ANKH: variants seen among roughly 807,000 people sequenced by gnomAD.
The protein encoded by ANKH is ANKH inorganic pyrophosphate transport regulator.
In ANKH, 15 loss-of-function variants were observed where a neutral mutation model predicts 49.0. The observed-to-expected ratio is 0.31, with a 90% CI of 0.20 to 0.47. The LOEUF is 0.47. ANKH is among the 20% of genes least tolerant of loss of function. The probability of loss-of-function intolerance (pLI) is 1.00; values close to 1 mark genes in which losing one functional copy is unlikely to be tolerated. For synonymous variants in ANKH, 273 were observed against 260.0 expected (o/e 1.05, Z -0.48); for missense variants, 429 against 652.0 (o/e 0.66, Z 3.72).
At chr5:14,758,626 A>T (rs769794604) in intron 2 of ANKH, 28 bp from the exon 3 acceptor site, 5 of 1,389,210 alleles carry the variant, frequency 3.6e-6, no homozygotes, top group Non-Finnish European at 5.1e-6. Flanking sequence ...GCATATGTGG[A>T]AATATTTAGA....
intron 1 of ANKH, among the ~76,000 whole-genome samples, chr5:14,853,678 T>G (rs1027671016): frequency 2.0e-5 from 3 of 152,188 alleles, no homozygotes; most frequent in Non-Finnish European, 4.4e-5. Flanking sequence ...TTGTTTGTTT[T>G]TTTGAGATGG....
chr5:14,826,064 T>C (rs1311699960), intron 1 of ANKH: 1 of 154,286 alleles, frequency 6.5e-6, no homozygotes, highest in African/African-American at 2.4e-5. Flanking sequence ...GGTTAAGACA[T>C]TAAAACCTCT....
At chr5:14,791,663 AC>A (rs1466393813) in intron 1 of ANKH, among the ~76,000 whole-genome samples, 3 of 152,192 alleles carry the variant, frequency 2.0e-5, no homozygotes, top group Non-Finnish European at 4.4e-5. Context: ...ATTGAATTTG[AC>A]AGCTTTGGAA....
chr5:14,793,733 C>T (rs73050634), intron 1 of ANKH, among the ~76,000 whole-genome samples: 1,748 of 152,278 alleles, frequency 0.011, 40 homozygotes, highest in African/African-American at 0.04. Context: ...TTGCAAGTGA[C>T]ACCTAATGGC....
Position 14,713,676 on chromosome 5 carries a change from A to C in ANKH, c.1142-9T>G. The C allele has an allele frequency of 1.9e-6, 3 of 1,613,616 alleles. No homozygotes were observed. Among genetic ancestry groups the C allele is most frequent in the Non-Finnish European group, 2.5e-6 (3 of 1,179,968 alleles). On this transcript the variant is annotated splice_polypyrimidine_tract_variant and intron_variant, in intron 9 of 11. Transcript: ENST00000284268. The surrounding 1 kb of genome is among the most constrained non-coding windows in gnomAD (Gnocchi z 4.4). ...ATGCGCCCTCACTGTGACTGTTGGG[A>C]GGAGCAAAGGACTCGTCAGCCGTGC...
intron 6 of ANKH, among the ~76,000 whole-genome samples, chr5:14,747,623 G>A (rs973733740): frequency 6.6e-6 from 1 of 152,162 alleles, no homozygotes; most frequent in African/African-American, 2.4e-5. Context: ...GAAGAAAAGC[G>A]AAAACAAAGC....
intron 1 of ANKH, among the ~76,000 whole-genome samples, chr5:14,810,557 A>G (rs1038454376): frequency 2.6e-4 from 39 of 152,200 alleles, no homozygotes; most frequent in Non-Finnish European, 1.5e-5. Flanking sequence ...ATTAACTTTC[A>G]TTGATTTGGA....
intron 1 of ANKH, among the ~76,000 whole-genome samples, chr5:14,828,524 A>AAAAC (rs1428853695): frequency 6.6e-6 from 1 of 152,242 alleles, no homozygotes; most frequent in East Asian, 1.9e-4. Flanking sequence ...CTCCGTCTCA[A>AAAAC]AAACAAACAA....
intron 1 of ANKH, among the ~76,000 whole-genome samples, chr5:14,845,002 T>C (rs947691677): frequency 1.3e-5 from 2 of 151,886 alleles, no homozygotes; most frequent in African/African-American, 4.9e-5. Flanking sequence ...TTCCTGCTCT[T>C]TTATTCCTGT....
intron 1 of ANKH, among the ~76,000 whole-genome samples, chr5:14,771,921 G>GAAAAAAAAAAAAA (rs869185652): frequency 1.9e-5 from 1 of 53,378 alleles, no homozygotes; most frequent in East Asian, 6.5e-4. Flanking sequence ...CTCAAAAAAA[G>GAAAAAAAAAAAAA]AAAAAAAAAA....
intron 2 of ANKH, chr5:14,768,628 T>C: frequency 3.0e-6 from 1 of 330,904 alleles, no homozygotes; most frequent in Non-Finnish European, 5.7e-6. Context: ...CTATTTTTAT[T>C]CTTAAGATTT....
At chr5:14,797,280 G>A (rs1386977074) in intron 1 of ANKH, 25 of 1,473,054 alleles carry the variant, frequency 1.7e-5, no homozygotes, top group Admixed American at 1.0e-4. Context: ...TATCTTGGCA[G>A]TGTGACCACC....
In ANKH at chr5:14,711,011, G is replaced by T; in HGVS notation, c.*186C>A. The T allele has an allele frequency of 1.6e-6, 1 of 637,608 alleles. No individual in the cohort carries two copies. Among genetic ancestry groups the T allele is most frequent in the Non-Finnish European group, 2.8e-6 (1 of 351,536 alleles). The allele number at this position is 637,608 out of a possible 1,614,324, so 39.5% of individuals were successfully genotyped here. ...AGCAACAGTAAAGACCATTCACTAG[G>T]TCCCCCCGTCAGTGTGAGCATACCC... On this transcript the variant is annotated 3_prime_UTR_variant, in exon 12 of 12. Coordinates refer to ENST00000284268, the MANE Select transcript of ANKH (RefSeq NM_054027.6).
intron 1 of ANKH, among the ~76,000 whole-genome samples, chr5:14,860,662 AAC>A (rs1735455564): frequency 6.6e-6 from 1 of 152,240 alleles, no homozygotes; most frequent in African/African-American, 2.4e-5. Flanking sequence ...CAGTTTTGGA[AAC>A]ACAAAGCAGC....
intron 1 of ANKH, among the ~76,000 whole-genome samples, chr5:14,793,049 A>AAAATATATAT (rs1561057920): frequency 2.7e-5 from 1 of 36,924 alleles, no homozygotes; most frequent in Non-Finnish European, 5.2e-5. Flanking sequence ...TATATATATA[A>AAAATATATAT]ATATATATAA....
intron 1 of ANKH, among the ~76,000 whole-genome samples, chr5:14,833,641 T>A (rs1422329428): frequency 6.6e-6 from 1 of 152,220 alleles, no homozygotes; most frequent in Non-Finnish European, 1.5e-5. Flanking sequence ...TAGTGATATC[T>A]GCCAGAGACC....
At chr5:14,863,493 T>C (rs751358631) in intron 1 of ANKH, among the ~76,000 whole-genome samples, 7 of 152,150 alleles carry the variant, frequency 4.6e-5, no homozygotes, top group Non-Finnish European at 7.4e-5. Flanking sequence ...GTTCTCATAC[T>C]AAAAAAAGGA....
At chr5:14,775,058 C>CTT (rs33960345) in intron 1 of ANKH, among the ~76,000 whole-genome samples, 9 of 151,130 alleles carry the variant, frequency 6.0e-5, no homozygotes, top group East Asian at 2.0e-4. Context: ...CATAAGTCCC[C>CTT]TTTTTTTTCT....
At chr5:14,818,506 G>T (rs746482199) in intron 1 of ANKH, among the ~76,000 whole-genome samples, 1 of 151,850 alleles carries the variant, frequency 6.6e-6, no homozygotes, top group Non-Finnish European at 1.5e-5. Context: ...TCCAGGCATG[G>T]TGGCGGGCAC....
Sources: gnomAD v4.1 joint callset for allele counts (sites outside exome capture counted in the v4.1 genomes callset) on GRCh38, gnomAD v4.1.1 for gene constraint, Gnocchi (gnomAD v3.1) non-coding constraint, MANE v1.5 for transcripts, NCBI Gene and HGNC (gene_info 2026-07-23, HGNC 2026-07-21) for gene names.